CLVS1: variants seen among roughly 807,000 people sequenced by gnomAD.
CLVS1 encodes clavesin-1.
In CLVS1, 10 loss-of-function variants were observed where a neutral mutation model predicts 33.1. The observed-to-expected ratio is 0.30, with a 90% CI of 0.19 to 0.51. CLVS1 has a LOEUF of 0.51. Ranked by LOEUF, CLVS1 falls within the 20% of genes least tolerant of loss-of-function variation. The pLI is 0.97. For missense variants in CLVS1, 343 were observed against 433.4 expected (o/e 0.79, Z 1.85); for synonymous variants, 163 against 166.1 (o/e 0.98, Z 0.14).
At chr8:61,309,929 C>A (rs1311117449) in intron 2 of CLVS1, among the ~76,000 whole-genome samples, 1 of 152,178 alleles carries the variant, frequency 6.6e-6, no homozygotes, top group Non-Finnish European at 1.5e-5. Context: ...GAGCTTTTTA[C>A]AAGTAGCGGG....
At chr8:61,380,457 C>T (rs554918607) in intron 3 of CLVS1, among the ~76,000 whole-genome samples, 1 of 152,164 alleles carries the variant, frequency 6.6e-6, no homozygotes, top group South Asian at 2.1e-4. Context: ...ATAAATTCCT[C>T]CTTTTAGAGC....
In CLVS1 at chr8:61,445,372, A is replaced by G. The variant is rs562413558; in HGVS notation, c.631-8769A>G. ...GGTCATGGGGGTGGATCCTTCATGA[A>G]CTGCTTGGTCCTCATGGTAATGACT... On this transcript the variant is annotated intron_variant, in intron 3 of 5. Coordinates refer to ENST00000325897, the MANE Select transcript of CLVS1 (RefSeq NM_173519.3). 4.6e-5 allele frequency among the ~76,000 whole-genome samples: 7 copies of G among 152,230 alleles called. No individual in the cohort carries two copies. In the South Asian group the frequency reaches 1.5e-3, roughly 32 times the overall value.
chr8:61,255,167 T>G (rs905834878), intron 2 of CLVS1, among the ~76,000 whole-genome samples: 3 of 152,156 alleles, frequency 2.0e-5, no homozygotes, highest in Admixed American at 6.5e-5. Flanking sequence ...GAAGACAGGA[T>G]GAGATCACAG....
chr8:61,262,001 T>C (rs1478642514), intron 2 of CLVS1, among the ~76,000 whole-genome samples: 2 of 151,462 alleles, frequency 1.3e-5, no homozygotes, highest in Non-Finnish European at 2.9e-5. Flanking sequence ...TGTGTGTGTG[T>C]GTGTGTGTGT....
chr8:61,453,683 A>C (rs1411679628), intron 3 of CLVS1, among the ~76,000 whole-genome samples: 1 of 152,100 alleles, frequency 6.6e-6, no homozygotes, highest in Non-Finnish European at 1.5e-5. Context: ...GCCAGCACTC[A>C]CTCACCCAGA....
intron 2 of CLVS1, among the ~76,000 whole-genome samples, chr8:61,346,683 C>T (rs111306246): frequency 1.5e-4 from 23 of 152,240 alleles, no homozygotes; most frequent in African/African-American, 5.1e-4. Flanking sequence ...ATTTGACAAA[C>T]ACTGAGCCCC....
At chr8:61,436,259 A>G (rs1563552593) in intron 3 of CLVS1, among the ~76,000 whole-genome samples, 1 of 152,232 alleles carries the variant, frequency 6.6e-6, no homozygotes. Flanking sequence ...ATCTTAAAAC[A>G]AAACAAAACA....
chr8:61,431,524 T>C (rs1378347357), intron 3 of CLVS1, among the ~76,000 whole-genome samples: 1 of 152,240 alleles, frequency 6.6e-6, no homozygotes, highest in Non-Finnish European at 1.5e-5. Flanking sequence ...AGCTACCTGC[T>C]ACCTAGCCAG....
intron 2 of CLVS1, among the ~76,000 whole-genome samples, chr8:61,367,649 C>T (rs1813267229): frequency 6.6e-6 from 1 of 152,210 alleles, no homozygotes; most frequent in Non-Finnish European, 1.5e-5. Context: ...GTGCACTCTG[C>T]ACTTCATCAT....
At chr8:61,151,058 G>C (rs957007530) in intron 2 of CLVS1, among the ~76,000 whole-genome samples, 21 of 152,160 alleles carry the variant, frequency 1.4e-4, no homozygotes, top group African/African-American at 5.1e-4. Flanking sequence ...TTTGTCACTT[G>C]CAAGAAAAAG....
intron 3 of CLVS1, among the ~76,000 whole-genome samples, chr8:61,399,343 G>A (rs569091766): frequency 6.6e-6 from 1 of 152,074 alleles, no homozygotes; most frequent in East Asian, 1.9e-4. Context: ...CTTCTTTTGA[G>A]AAGACATGTC....
At chr8:61,196,623 G>A (rs1248988358) in intron 2 of CLVS1, among the ~76,000 whole-genome samples, 1 of 152,164 alleles carries the variant, frequency 6.6e-6, no homozygotes, top group Non-Finnish European at 1.5e-5. Flanking sequence ...CCAGAGATAA[G>A]CTTCATAAGA....
intron 2 of CLVS1, among the ~76,000 whole-genome samples, chr8:61,302,854 G>A (rs1810485259): frequency 6.6e-6 from 1 of 152,172 alleles, no homozygotes; most frequent in African/African-American, 2.4e-5. Context: ...TGAAGGGGAG[G>A]CAGGCACATC....
chr8:61,255,786 A>T (rs2349941), intron 2 of CLVS1, among the ~76,000 whole-genome samples: 1 of 151,616 alleles, frequency 6.6e-6, no homozygotes, highest in African/African-American at 2.4e-5. Context: ...TGAAACTTGA[A>T]CCTACTATAA....
chr8:61,004,536 T>G, the CLVS1 span, among the ~76,000 whole-genome samples: 1 of 152,322 alleles, frequency 6.6e-6, no homozygotes, highest in Non-Finnish European at 1.5e-5. Context: ...AGGTTTAGAC[T>G]GTGGCACAGA....
intron 3 of CLVS1, among the ~76,000 whole-genome samples, chr8:61,428,069 C>T (rs1390206748): frequency 6.6e-6 from 1 of 152,218 alleles, no homozygotes; most frequent in Non-Finnish European, 1.5e-5. Flanking sequence ...TTTATTTTAA[C>T]AGGAGATAAA....
intron 5 of CLVS1, among the ~76,000 whole-genome samples, chr8:61,490,865 G>A (rs903330191): frequency 1.3e-5 from 2 of 150,832 alleles, no homozygotes; most frequent in Admixed American, 1.3e-4. Context: ...TGAGGCTGAA[G>A]CAGGAGAATA....
At chr8:61,068,812 C>G (rs1335492048) in intron 1 of CLVS1, among the ~76,000 whole-genome samples, 1 of 152,178 alleles carries the variant, frequency 6.6e-6, no homozygotes, top group Non-Finnish European at 1.5e-5. Flanking sequence ...CCCACACACA[C>G]ACCTCCCGGG....
chr8:61,330,713 C>T lies in CLVS1; in HGVS notation c.455+30431C>T, dbSNP rs114331621. On this transcript the variant is annotated intron_variant, in intron 2 of 5. Coordinates refer to ENST00000325897, the MANE Select transcript of CLVS1 (RefSeq NM_173519.3). The stretch of plus-strand genomic sequence containing the variant: ...GAATCCCTTTTGATTTGTTTCTCCT[C>T]TGTGTTGTCTCTGCTATTTTCTGGA... Among the ~76,000 whole-genome samples the T allele has an allele frequency of 3.8e-3, 579 of 152,272 alleles. 3 individuals are homozygous for T. The highest frequency in any genetic ancestry group is 0.013 in the African/African-American group (541 of 41,550).
Sources: gnomAD v4.1 joint callset for allele counts (sites outside exome capture counted in the v4.1 genomes callset) on GRCh38, gnomAD v4.1.1 for gene constraint, MANE v1.5 for transcripts, NCBI Gene and HGNC (gene_info 2026-07-23, HGNC 2026-07-21) for gene names.